The following SCYL3 variants were observed in gnomAD, a reference collection of about 807,000 sequenced individuals.
SCYL3 encodes SCY1 like pseudokinase 3.
In SCYL3, 35 loss-of-function variants were observed where a neutral mutation model predicts 73.8. That is an observed-to-expected ratio of 0.47 (90% CI 0.36 to 0.63). SCYL3 has a LOEUF of 0.63. SCYL3 is among the 20% of genes least tolerant of loss of function. The pLI is 0.00. For missense variants in SCYL3, 712 were observed against 798.9 expected (o/e 0.89, Z 1.31); for synonymous variants, 277 against 295.2 (o/e 0.94, Z 0.63).
Position 169,850,954 on chromosome 1 carries a change from A to G in SCYL3, c.*2759T>C, listed in dbSNP as rs1658105499. On this transcript the variant is annotated 3_prime_UTR_variant, in exon 13 of 13. Transcript: ENST00000367771. ...TAGGCCTGAGAGGATGTTTACTACCATATTTTGGGTATAATTTAGGCATGG... is the reference window on the plus strand; with the variant it reads ...TAGGCCTGAGAGGATGTTTACTACCGTATTTTGGGTATAATTTAGGCATGG... 8.3e-6 allele frequency: 1 copy of G among 121,116 alleles called. No homozygotes were observed. The highest frequency in any genetic ancestry group is 1.7e-5 in the Non-Finnish European group (1 of 60,556). 7.5% of individuals were successfully genotyped at this position (121,116 alleles called of 1,614,324 possible).
chr1:169,871,407 T>C (rs1660385336), intron 5 of SCYL3, among the ~76,000 whole-genome samples: 1 of 152,234 alleles, frequency 6.6e-6, no homozygotes, highest in Non-Finnish European at 1.5e-5. Context: ...AGGTGAGACG[T>C]GCCTTTTGCC....
chr1:169,849,867 C>T lies in SCYL3; in HGVS notation c.*3846G>A. The T allele has an allele frequency of 2.0e-6, 1 of 494,744 alleles. No homozygotes were observed. The highest frequency in any genetic ancestry group is 3.6e-6 in the Non-Finnish European group (1 of 276,712). 30.6% of individuals were successfully genotyped at this position (494,744 alleles called of 1,614,324 possible). On this transcript the variant is annotated 3_prime_UTR_variant, in exon 13 of 13. Transcript: ENST00000367771. ...CTACTGATACAGACAGACACAGACA[C>T]AGTCTTCCAGCAGATAGTATTTTTG... is the stretch of plus-strand genomic sequence containing the variant.
In SCYL3 at chr1:169,853,041, T is replaced by C. The variant is rs937098981; in HGVS notation, c.*672A>G. ...ATGCTTTGTCAACTGAAAATACTTATGTCTGTACATTTTCTAACAGATATA... is the reference window on the plus strand; with the variant it reads ...ATGCTTTGTCAACTGAAAATACTTACGTCTGTACATTTTCTAACAGATATA... On this transcript the variant is annotated 3_prime_UTR_variant, in exon 13 of 13. Coordinates refer to ENST00000367771, the MANE Select transcript of SCYL3 (RefSeq NM_020423.7). 18 of 1,550,368 alleles carry C rather than the reference T, an allele frequency of 1.2e-5. No homozygotes were observed. The highest frequency in any genetic ancestry group is 6.8e-5 in the African/African-American group (5 of 73,126).
chr1:169,877,565 T>C (rs1446505617), intron 3 of SCYL3, among the ~76,000 whole-genome samples: 1 of 152,208 alleles, frequency 6.6e-6, no homozygotes, highest in Non-Finnish European at 1.5e-5. Context: ...GAATAGTGTG[T>C]ATAGTATATC....
intron 2 of SCYL3, among the ~76,000 whole-genome samples, chr1:169,884,328 G>A (rs939102900): frequency 2.6e-5 from 4 of 152,004 alleles, no homozygotes; most frequent in South Asian, 2.1e-4. Context: ...ACAGAGTGTC[G>A]CTCTTGTTAC....
At chr1:169,873,386 G>T (rs4656725) in intron 5 of SCYL3, among the ~76,000 whole-genome samples, 106,742 of 152,084 alleles carry the variant, frequency 0.7, 37,641 homozygotes, top group Middle Eastern at 0.85. Flanking sequence ...TTGCCCAGTC[G>T]CAGGTATGTC....
intron 5 of SCYL3, among the ~76,000 whole-genome samples, chr1:169,872,376 C>T (rs1310373216): frequency 6.6e-6 from 1 of 152,246 alleles, no homozygotes; most frequent in Non-Finnish European, 1.5e-5. Context: ...GGAACCTCCA[C>T]CTAGATTTCA....
chr1:169,867,667 G>C (rs1660128449), intron 7 of SCYL3, among the ~76,000 whole-genome samples: 1 of 152,204 alleles, frequency 6.6e-6, no homozygotes, highest in Non-Finnish European at 1.5e-5. Flanking sequence ...TGGTTCAGCA[G>C]CAAAGATGTC....
intron 4 of SCYL3, among the ~76,000 whole-genome samples, chr1:169,875,729 T>C (rs1660748767): frequency 6.6e-6 from 1 of 152,180 alleles, no homozygotes; most frequent in South Asian, 2.1e-4. Context: ...AACTCAAATA[T>C]CTGAACGAAA....
rs1248964744 is a variant in SCYL3 at position 169,852,182 on chromosome 1, T to C, written c.*1531A>G. 1.3e-5 allele frequency: 7 copies of C among 538,488 alleles called. No homozygotes were observed. Among genetic ancestry groups the C allele is most frequent in the Non-Finnish European group, 2.3e-5 (7 of 304,112 alleles). 33.4% of individuals were successfully genotyped at this position (538,488 alleles called of 1,614,324 possible). ...AGTAACCTTTAAGGGAAGTTACATA[T>C]TGTACCAGTGATGCTATAAATGCAG... On this transcript the variant is annotated 3_prime_UTR_variant, in exon 13 of 13. Coordinates refer to ENST00000367771, the MANE Select transcript of SCYL3 (RefSeq NM_020423.7).
chr1:169,852,659 G>C lies in SCYL3; in HGVS notation c.*1054C>G. ...TTCTAGATGACTGTGTAGGGGTTTT[G>C]GGGTGCATCCTCCTACCCTTGTGAT... On this transcript the variant is annotated 3_prime_UTR_variant, in exon 13 of 13. Transcript: ENST00000367771. 1.1e-6 allele frequency: 1 copy of C among 891,280 alleles called. No individual in the cohort carries two copies. The highest frequency in any genetic ancestry group is 1.7e-6 in the Non-Finnish European group (1 of 583,744). 55.2% of individuals were successfully genotyped at this position (891,280 alleles called of 1,614,324 possible). A position where few individuals can be genotyped will look rare whatever the true frequency, so the allele number is the denominator to read the frequency against.
rs1489848581 is a variant in SCYL3, at chr1:169,888,848, G to A, written c.-8C>T. 3.8e-6 allele frequency: 6 copies of A among 1,591,778 alleles called. No homozygotes were observed. Among genetic ancestry groups the A allele is most frequent in the Non-Finnish European group, 5.1e-6 (6 of 1,168,406 alleles). On this transcript the variant is annotated 5_prime_UTR_variant, in exon 2 of 13. Coordinates refer to ENST00000367771, the MANE Select transcript of SCYL3 (RefSeq NM_020423.7). ...ACTGTTCTCTGATCCCATCCCTTAT[G>A]CAGTGAGGCAGTACTGCCACTCTTC...
chr1:169,868,944 A>T lies in SCYL3; in HGVS notation c.721T>A (p.Ser241Thr), dbSNP rs1387747721. ...KCRPALCTLL[S>T]HDFFRNDFLE... is the part of the protein sequence containing the mutation. ...TGCCCTCACCTGAAGAAGTCATGAG[A>T]TAGTAAGGTGCAGAGCGCTGGCCGA... is the stretch of plus-strand genomic sequence containing the variant. The change falls in exon 7 of 13, where the codon TCT becomes ACT. Residue 241 changes from serine (S) to threonine (T), a missense_variant. This residue lies in a region of SCYL3 where 342 missense variants were observed against 448.1 expected (regional missense o/e 0.76). Transcript: ENST00000367771. 1 of 1,613,604 alleles carries T rather than the reference A, an allele frequency of 6.2e-7. No homozygotes were observed. The highest frequency in any genetic ancestry group is 8.5e-7 in the Non-Finnish European group (1 of 1,179,670).
Position 169,849,942 on chromosome 1 carries a change from G to A in SCYL3, c.*3771C>T, listed in dbSNP as rs1238149285. 2 of 465,752 alleles carry A rather than the reference G, an allele frequency of 4.3e-6. No homozygotes were observed. The highest frequency in any genetic ancestry group is 7.7e-6 in the Non-Finnish European group (2 of 258,868). The allele number at this position is 465,752 out of a possible 1,614,324, so 28.9% of individuals were successfully genotyped here. Reference sequence around the variant, plus strand: ...TTGTGCTATCAGTCATAAGGGTTAGGCTGATGAACCTAAACCTGTAAGATG... The same window carrying A: ...TTGTGCTATCAGTCATAAGGGTTAGACTGATGAACCTAAACCTGTAAGATG... On this transcript the variant is annotated 3_prime_UTR_variant, in exon 13 of 13. Coordinates refer to ENST00000367771, the MANE Select transcript of SCYL3 (RefSeq NM_020423.7).
intron 11 of SCYL3, chr1:169,856,001 T>G: frequency 1.3e-6 from 2 of 1,585,988 alleles, no homozygotes; most frequent in Non-Finnish European, 1.7e-6. Flanking sequence ...GGACAGTAAA[T>G]TGCTTCTTGA....
In SCYL3 at chr1:169,876,095, GAAAA is replaced by G. The variant is rs768894210; in HGVS notation, c.352-8_352-5del. ...CATTATTGTGTGTTAGGTGTCCCTGGAAAAAAAAAAGAACAGAAGGAAGAGTGCC... is the reference window on the plus strand; with the variant it reads ...CATTATTGTGTGTTAGGTGTCCCTGGAAAAAAGAACAGAAGGAAGAGTGCC... On this transcript the variant is annotated splice_region_variant and splice_polypyrimidine_tract_variant and intron_variant, in intron 3 of 12. Transcript: ENST00000367771. The G allele has an allele frequency of 1.0e-5, 14 of 1,384,778 alleles. No homozygotes were observed. Among genetic ancestry groups the G allele is most frequent in the Admixed American group, 2.3e-5 (1 of 43,180 alleles). 85.8% of individuals were successfully genotyped at this position (1,384,778 alleles called of 1,614,324 possible). A position where few individuals can be genotyped will look rare whatever the true frequency, so the allele number is the denominator to read the frequency against.
Position 169,875,992 on chromosome 1 carries a change from G to T in SCYL3, c.451C>A (p.Gln151Lys). The T allele has an allele frequency of 6.2e-7, 1 of 1,609,438 alleles. No homozygotes were observed. Among genetic ancestry groups the T allele is most frequent in the Non-Finnish European group, 8.5e-7 (1 of 1,177,786 alleles). ...CCCTGGCTTACCTCTGGTGTGGCCT[G>T]AGAAACTTTACAAACAGTTTCCATT... ...GGMETVCKVS[Q>K]ATPEFLRSIQ... The change falls in exon 4 of 13, where the codon CAG (glutamine) becomes AAG (lysine). Residue 151 changes from glutamine (Q) to lysine (K), a missense_variant. Gln to Lys is a moderately conservative substitution (Grantham distance 53). Coordinates refer to ENST00000367771, the MANE Select transcript of SCYL3 (RefSeq NM_020423.7).
chr1:169,878,926 CT>C (rs1158198815), intron 2 of SCYL3, 107 bp from the exon 3 acceptor site: 15 of 933,400 alleles, frequency 1.6e-5, no homozygotes, highest in Non-Finnish European at 2.3e-5. Context: ...AGTTAAGGCT[CT>C]TTTGAGCTCC....
chr1:169,887,777 TACA>T (rs1314192747), intron 2 of SCYL3, among the ~76,000 whole-genome samples: 1 of 152,166 alleles, frequency 6.6e-6, no homozygotes, highest in Non-Finnish European at 1.5e-5. Flanking sequence ...TGATCAAAAA[TACA>T]ACATCAAATA....
Sources: allele counts gnomAD v4.1 joint callset (sites outside exome capture counted in the v4.1 genomes callset), GRCh38; gene constraint gnomAD v4.1.1; regional missense constraint gnomAD v4.1.1; transcripts MANE v1.5; gene names NCBI Gene and HGNC (gene_info 2026-07-23, HGNC 2026-07-21).